The following DOCK4 variants were observed in gnomAD, a reference collection of about 807,000 sequenced individuals.
DOCK4 encodes dedicator of cytokinesis 4.
In DOCK4, 97 loss-of-function variants were observed where a neutral mutation model predicts 268.1. The ratio of observed to expected loss-of-function variants is 0.36; its 90% CI spans 0.31 to 0.43. The LOEUF (loss-of-function observed/expected upper bound fraction) is 0.43, where lower values mean the gene tolerates loss of function less well. DOCK4 is among the 20% of genes least tolerant of loss of function. The pLI is 1.00. For synonymous variants in DOCK4, 954 were observed against 887.2 expected, an observed-to-expected ratio of 1.08 and a Z score of -1.34; for missense variants, 2,145 against 2,455.7, an observed-to-expected ratio of 0.87 and a Z score of 2.67.
chr7:111,753,670 C>T (rs749810101), intron 42 of DOCK4, among the ~76,000 whole-genome samples: 6 of 152,090 alleles, frequency 3.9e-5, no homozygotes, highest in East Asian at 1.9e-4. Context: ...TTCAATTCAA[C>T]GTGATGTATT....
Position 111,742,136 on chromosome 7 carries a change from A to C in DOCK4, c.4678-4T>G. ...AACCAAATTCCAGAATCTGTGCCTT[A>C]ATTCACAACATAAGGAAAAAACCTC... On this transcript the variant is annotated splice_polypyrimidine_tract_variant and splice_region_variant and intron_variant, in intron 44 of 52. Transcript: ENST00000428084. 1.3e-6 allele frequency: 2 copies of C among 1,586,082 alleles called. No homozygotes were observed. Among genetic ancestry groups the C allele is most frequent in the Non-Finnish European group, 1.7e-6 (2 of 1,168,622 alleles).
At chr7:112,152,703 T>C (rs1015068067) in intron 1 of DOCK4, among the ~76,000 whole-genome samples, 2 of 152,120 alleles carry the variant, frequency 1.3e-5, no homozygotes, top group Non-Finnish European at 1.5e-5. Context: ...CTGAGGCTGG[T>C]CTCAACTCCT....
At chr7:112,117,637 C>T (rs1382164106) in intron 1 of DOCK4, among the ~76,000 whole-genome samples, 1 of 152,236 alleles carries the variant, frequency 6.6e-6, no homozygotes, top group African/African-American at 2.4e-5. Context: ...TCCCAAAGTG[C>T]TGGGACTACA....
At chr7:112,027,468 A>G (rs1586672731) in intron 1 of DOCK4, among the ~76,000 whole-genome samples, 1 of 152,100 alleles carries the variant, frequency 6.6e-6, no homozygotes, top group South Asian at 2.1e-4. Flanking sequence ...CAGGTGATCC[A>G]CCTGCCTCGG....
At chr7:111,928,383 G>A (rs1037297392) in intron 12 of DOCK4, among the ~76,000 whole-genome samples, 2 of 152,040 alleles carry the variant, frequency 1.3e-5, no homozygotes, top group Middle Eastern at 3.2e-3. Flanking sequence ...ATGAAATCAA[G>A]CTCTAATCAC....
chr7:111,961,205 A>C (rs552749609), intron 8 of DOCK4, among the ~76,000 whole-genome samples: 2 of 152,162 alleles, frequency 1.3e-5, no homozygotes, highest in African/African-American at 2.4e-5. Flanking sequence ...AAGGCCACAA[A>C]CCCAAAGTCT....
chr7:111,974,310 CA>C (rs1212468172), intron 8 of DOCK4, among the ~76,000 whole-genome samples: 3 of 152,038 alleles, frequency 2.0e-5, no homozygotes, highest in Non-Finnish European at 4.4e-5. Flanking sequence ...GAGGCTGTTC[CA>C]AACATCTAGT....
chr7:111,882,459 G>A (rs1039541350), intron 16 of DOCK4, among the ~76,000 whole-genome samples: 8 of 152,130 alleles, frequency 5.3e-5, no homozygotes, highest in East Asian at 1.9e-4. Context: ...CAGCTGGTAC[G>A]CTCAGATGAT....
chr7:111,958,101 G>A (rs1796576951), intron 8 of DOCK4, among the ~76,000 whole-genome samples: 1 of 152,156 alleles, frequency 6.6e-6, no homozygotes, highest in Non-Finnish European at 1.5e-5. Flanking sequence ...GCAGTGGAAA[G>A]ATGATAGCAA....
intron 1 of DOCK4, among the ~76,000 whole-genome samples, chr7:112,111,534 CATTT>C (rs1003588014): frequency 3.3e-5 from 5 of 151,740 alleles, no homozygotes; most frequent in Admixed American, 3.3e-4. Flanking sequence ...GTTATCTTGC[CATTT>C]TTTTTATTTT....
At chr7:111,842,459 A>G (rs1343335271) in intron 25 of DOCK4, among the ~76,000 whole-genome samples, 1 of 152,150 alleles carries the variant, frequency 6.6e-6, no homozygotes, top group East Asian at 1.9e-4. Flanking sequence ...ACCACAGAAA[A>G]CTTTGTCCTC....
Position 111,728,670 on chromosome 7 carries a change from T to C in DOCK4, c.5532A>G (p.Gly1844=). The C allele has an allele frequency of 6.2e-7, 1 of 1,613,604 alleles. No individual in the cohort carries two copies. The highest frequency in any genetic ancestry group is 8.5e-7 in the Non-Finnish European group (1 of 1,179,798). ...ACAAGACAGGGGAGTTGGAGATGAG[T>C]CCTGGCGAGTGGTACTCCACTGGAG... ...TPSPVEYHSP[G]LISNSPVLSG... is the part of the protein sequence containing the mutation. The change falls in exon 53 of 53, where the codon GGA becomes GGG. Residue 1844 remains glycine (G), a synonymous_variant. Transcript: ENST00000428084.
intron 40 of DOCK4, among the ~76,000 whole-genome samples, chr7:111,759,237 C>A (rs1797230276): frequency 6.6e-6 from 1 of 152,136 alleles, no homozygotes; most frequent in South Asian, 2.1e-4. Flanking sequence ...GCAACCATGA[C>A]CAAAGACAGA....
intron 1 of DOCK4, among the ~76,000 whole-genome samples, 170 bp downstream of exon 1, chr7:112,205,932 G>A (rs1821368393): frequency 6.6e-6 from 1 of 152,166 alleles, no homozygotes; most frequent in African/African-American, 2.4e-5. Flanking sequence ...CGAGAGCCTG[G>A]TGCGCAGCCC....
intron 1 of DOCK4, among the ~76,000 whole-genome samples, chr7:112,010,508 G>T (rs773616563): frequency 2.0e-5 from 3 of 152,188 alleles, no homozygotes; most frequent in Non-Finnish European, 4.4e-5. Context: ...AGATGAAGTG[G>T]TATCTCCTGG....
chr7:112,113,886 G>T (rs1449781936), intron 1 of DOCK4, among the ~76,000 whole-genome samples: 1 of 151,380 alleles, frequency 6.6e-6, no homozygotes, highest in Non-Finnish European at 1.5e-5. Flanking sequence ...GAGCCACCAT[G>T]CTTCGCCTGG....
chr7:112,175,966 T>A (rs572319003), intron 1 of DOCK4, among the ~76,000 whole-genome samples: 1 of 152,360 alleles, frequency 6.6e-6, no homozygotes, highest in African/African-American at 2.4e-5. Context: ...ACATTATTTT[T>A]AATGATCAAC....
Position 111,982,673 on chromosome 7 carries a change from C to T in DOCK4, c.549+1633G>A, listed in dbSNP as rs73430824. Among the ~76,000 whole-genome samples, 1,462 of 152,216 alleles carry T rather than the reference C, an allele frequency of 9.6e-3. 9 individuals carry two copies. Among genetic ancestry groups the T allele is most frequent in the African/African-American group, 0.034 (1,396 of 41,534 alleles). ...AGATTATAAATGTAGTTGTTTGGAG[C>T]CAATAATCCAGTCTTTTCATGATAC... On this transcript the variant is annotated intron_variant, in intron 7 of 52. Transcript: ENST00000428084.
chr7:111,747,207 T>G (rs1187774619), intron 43 of DOCK4, 60 bp downstream of exon 43: 9 of 1,527,870 alleles, frequency 5.9e-6, no homozygotes, highest in African/African-American at 1.4e-5. Context: ...AAAAGATTCA[T>G]GAAACCCTAA....
Sources: gnomAD v4.1 joint callset for allele counts (sites outside exome capture counted in the v4.1 genomes callset) on GRCh38, gnomAD v4.1.1 for gene constraint, MANE v1.5 for transcripts, NCBI Gene and HGNC (gene_info 2026-07-23, HGNC 2026-07-21) for gene names.